Variants in MED1 observed in about 807,000 individuals in gnomAD.
MED1 encodes the protein mediator complex subunit 1.
MED1 carries 17 observed loss-of-function variants against 121.3 expected under a neutral mutation model. That is an observed-to-expected ratio of 0.14 (90% CI 0.10 to 0.21). The LOEUF (loss-of-function observed/expected upper bound fraction) is 0.21, where lower values mean the gene tolerates loss of function less well. MED1 is among the 10% of genes least tolerant of loss of function. MED1 has a pLI of 1.00. For synonymous variants in MED1, 661 were observed against 694.4 expected (o/e 0.95, Z 0.76); for missense variants, 1,558 against 1,919.4 (o/e 0.81, Z 3.52).
chr17:39,444,686 T>C (rs192559705), intron 2 of MED1, among the ~76,000 whole-genome samples: 4 of 151,556 alleles, frequency 2.6e-5, no homozygotes, highest in African/African-American at 4.8e-5. Flanking sequence ...CTGGCCAACA[T>C]AGTGAAACCC....
At position 39,408,424 on chromosome 17, in the gene MED1, C is replaced by G; in HGVS notation, c.3797G>C (p.Cys1266Ser). 1 of 1,614,112 alleles carries G rather than the reference C, an allele frequency of 6.2e-7. No individual in the cohort carries two copies. The highest frequency in any genetic ancestry group is 8.5e-7 in the Non-Finnish European group (1 of 1,180,020). Reference sequence around the variant, plus strand: ...GGAAAAGGAGGAGGAAGATGCCGTACAGGAATTAGATGATGGGGGAGTTTT... The same window carrying G: ...GGAAAAGGAGGAGGAAGATGCCGTAGAGGAATTAGATGATGGGGGAGTTTT... ...SQKTPPSSNS[C>S]TASSSSFSSS... is the part of the protein sequence containing the mutation. Residue 1266 changes from cysteine (C) to serine (S), a missense_variant, in exon 17 of 17, where the codon TGT becomes TCT. Coordinates refer to ENST00000300651, the MANE Select transcript of MED1 (RefSeq NM_004774.4). The surrounding 1 kb of genome is among the most constrained non-coding windows in gnomAD (Gnocchi z 4.7).
intron 8 of MED1, 67 bp from the exon 9 acceptor site, chr17:39,431,255 T>C (rs955563041): frequency 1.2e-4 from 153 of 1,300,594 alleles, no homozygotes; most frequent in East Asian, 6.8e-4. Context: ...CACTGTGATA[T>C]TGAGTTCACC....
chr17:39,419,796 A>G lies in MED1; in HGVS notation c.1218T>C (p.Leu406=). The G allele has an allele frequency of 6.2e-7, 1 of 1,614,058 alleles. No homozygotes were observed. Reference sequence around the variant, plus strand: ...CTTGGTGTCTGATCAGATTTAGGATAAGAGGAACTCGGCCAGGGTGCTGAA... The same window carrying G: ...CTTGGTGTCTGATCAGATTTAGGATGAGAGGAACTCGGCCAGGGTGCTGAA... ...ITFQHPGRVP[L]ILNLIRHQVA... The change falls in exon 14 of 17, where the codon CTT becomes CTC. Residue 406 remains leucine (L), a synonymous_variant. Coordinates refer to ENST00000300651, the MANE Select transcript of MED1 (RefSeq NM_004774.4).
At position 39,440,089 on chromosome 17, in the gene MED1, C is replaced by CAAGA. The variant is rs755865177; in HGVS notation, c.399+293_399+296dup. Among the ~76,000 whole-genome samples, 13 of 129,292 alleles carry CAAGA rather than the reference C, an allele frequency of 1.0e-4. No homozygotes were observed. Among genetic ancestry groups the CAAGA allele is most frequent in the Non-Finnish European group, 1.2e-4 (7 of 60,106 alleles). 84.8% of individuals were successfully genotyped at this position (129,292 alleles called of 152,430 possible). A position where few individuals can be genotyped will look rare whatever the true frequency, so the allele number is the denominator to read the frequency against. On this transcript the variant is annotated intron_variant, in intron 5 of 16. Transcript: ENST00000300651. The surrounding 1 kb of genome is among the most constrained non-coding windows in gnomAD (Gnocchi z 4.1). Reference sequence around the variant, plus strand: ...AAGAAAAAGAAAGCAAGCAAGCAAGCAAGAAAGAAAGAAAGAAAAAAGAAA... The same window carrying CAAGA: ...AAGAAAAAGAAAGCAAGCAAGCAAGCAAGAAAGAAAGAAAGAAAGAAAAAAGAAA...
Position 39,440,616 on chromosome 17 carries a change from T to TA in MED1, c.266+6dup. On this transcript the variant is annotated splice_region_variant and intron_variant, in intron 4 of 16. Transcript: ENST00000300651. The surrounding 1 kb of genome is among the most constrained non-coding windows in gnomAD (Gnocchi z 4.1). ...TAAACATTTCTGCCTACAGAAAGAC[T>TA]ACTTACCCATTCTGTCTTGCTATGG... 6.2e-7 allele frequency: 1 copy of TA among 1,613,106 alleles called. No homozygotes were observed. Among genetic ancestry groups the TA allele is most frequent in the East Asian group, 2.2e-5 (1 of 44,870 alleles).
rs575270769 is a variant in MED1, at chr17:39,430,991, C to A, written c.649+124G>T. On this transcript the variant is annotated intron_variant, in intron 9 of 16. Transcript: ENST00000300651. ...CCGAGATCATGCCACTGCACTCCAG[C>A]CTGGGCAACAAAGTGAGACTCTGTC... The A allele has an allele frequency of 3.7e-5, 32 of 862,276 alleles. No individual in the cohort carries two copies. The South Asian group carries it at 4.7e-4, about 13-fold the overall frequency. The allele number at this position is 862,276 out of a possible 1,614,324, so 53.4% of individuals were successfully genotyped here.
Position 39,406,195 on chromosome 17 carries a change from A to G in MED1, c.*1280T>C. On this transcript the variant is annotated 3_prime_UTR_variant, in exon 17 of 17. Transcript: ENST00000300651. ...TCCAATTGGGTTGCTACATAGTAGC[A>G]AGGGTTTATCTTCATGCTCACCTAG... 1 of 985,568 alleles carries G rather than the reference A, an allele frequency of 1.0e-6. No homozygotes were observed. The highest frequency in any genetic ancestry group is 1.2e-6 in the Non-Finnish European group (1 of 829,924). 61.1% of individuals were successfully genotyped at this position (985,568 alleles called of 1,614,324 possible).
intron 6 of MED1, among the ~76,000 whole-genome samples, chr17:39,438,415 C>T (rs1216467169): frequency 6.9e-6 from 1 of 145,444 alleles, no homozygotes; most frequent in Admixed American, 7.3e-5. Context: ...GAGATCTCAG[C>T]TTACTGCAAG....
Position 39,409,642 on chromosome 17 carries a change from T to C in MED1, c.2579A>G (p.His860Arg), listed in dbSNP as rs1171712736. Residue 860 changes from histidine (H) to arginine (R), a missense_variant, in exon 17 of 17, where the codon CAT (histidine) becomes CGT (arginine). This residue lies in a region of MED1 where 793 missense variants were observed against 898.2 expected (regional missense o/e 0.88). Transcript: ENST00000300651. Reference protein sequence around the residue: ...SSDSPTNHFFHDGVDFNPDLL... With the variant: ...SSDSPTNHFFRDGVDFNPDLL... ...ATCAGGATTGAAATCTACTCCATCA[T>C]GAAAAAAATGATTGGTAGGAGAGTC... The C allele has an allele frequency of 3.7e-6, 6 of 1,614,110 alleles. No homozygotes were observed. Among genetic ancestry groups the C allele is most frequent in the Non-Finnish European group, 3.4e-6 (4 of 1,180,000 alleles).
intron 13 of MED1, among the ~76,000 whole-genome samples, chr17:39,422,469 GTTTTTTTTTTT>G (rs750032186): frequency 1.3e-5 from 1 of 74,340 alleles, no homozygotes; most frequent in African/African-American, 6.3e-5. Flanking sequence ...GCCCAGCCTC[GTTTTTTTTTTT>G]TTTTTTTTTT....
chr17:39,432,626 C>T (rs1454506349), intron 7 of MED1, among the ~76,000 whole-genome samples: 4 of 151,350 alleles, frequency 2.6e-5, no homozygotes, highest in African/African-American at 7.3e-5. Context: ...TGGCAGCATG[C>T]GCCTGTAGTC....
Position 39,427,764 on chromosome 17 carries a change from C to T in MED1, c.676G>A (p.Val226Ile). The change falls in exon 10 of 17, where the codon GTC (valine) becomes ATC (isoleucine). Residue 226 changes from valine (V) to isoleucine (I), a missense_variant. By Grantham distance (29) the Val-to-Ile change is conservative (BLOSUM62 3). Transcript: ENST00000300651. The stretch of plus-strand genomic sequence containing the variant: ...TCATCCAGTAGGTCAGAAGGAGAGA[C>T]ATAGTACTTCAGGTTCATTAAATGA... ...GGHLMNLKYY[V>I]SPSDLLDDKT... The T allele has an allele frequency of 6.2e-7, 1 of 1,601,372 alleles. No homozygotes were observed. The highest frequency in any genetic ancestry group is 2.2e-5 in the East Asian group (1 of 44,758).
Position 39,407,783 on chromosome 17 carries a change from G to A in MED1, c.4438C>T (p.Pro1480Ser). Reference protein sequence around the residue: ...SIAEKSYQNSPSSDDGIRPLP... With the variant: ...SIAEKSYQNSSSSDDGIRPLP... ...GGTCGGATACCATCGTCTGAGCTGG[G>A]ACTATTCTGATAAGATTTCTCTGCT... Residue 1480 changes from proline to serine, a missense_variant, in exon 17 of 17, where the codon CCC becomes TCC. Transcript: ENST00000300651. 6.2e-7 allele frequency: 1 copy of A among 1,614,128 alleles called. No homozygotes were observed. Among genetic ancestry groups the A allele is most frequent in the Non-Finnish European group, 8.5e-7 (1 of 1,180,034 alleles).
At chr17:39,428,561 G>A (rs1405209041) in intron 9 of MED1, among the ~76,000 whole-genome samples, 2 of 152,156 alleles carry the variant, frequency 1.3e-5, no homozygotes, top group Non-Finnish European at 2.9e-5. Flanking sequence ...GTTAAGGTGG[G>A]AGGTCAAGGA....
At chr17:39,424,869 A>T (rs1309035992) in intron 10 of MED1, 131 bp from the exon 11 acceptor site, 4 of 606,770 alleles carry the variant, frequency 6.6e-6, no homozygotes, top group Non-Finnish European at 1.2e-5. Flanking sequence ...TCCCTTATTT[A>T]TTTATTTATG....
At position 39,408,196 on chromosome 17, in the gene MED1, G is replaced by C; in HGVS notation, c.4025C>G (p.Ser1342Cys). The change falls in exon 17 of 17, where the codon TCC becomes TGC. Residue 1342 changes from serine (S) to cysteine (C), a missense_variant. Ser to Cys is a moderately radical substitution (Grantham distance 112, BLOSUM62 -1). Around this residue, in one of 5 missense-constraint regions of MED1, gnomAD observed 264 missense variants for 326.1 expected, o/e 0.81. Coordinates refer to ENST00000300651, the MANE Select transcript of MED1 (RefSeq NM_004774.4). The surrounding 1 kb of genome is among the most constrained non-coding windows in gnomAD (Gnocchi z 4.7). ...STNSSSHPMS[S>C]KHNMSGGEFQ... ...CTCTCCTCCTGACATGTTATGTTTGGAGGACATAGGATGGCTGGAAGAATT... is the reference window on the plus strand; with the variant it reads ...CTCTCCTCCTGACATGTTATGTTTGCAGGACATAGGATGGCTGGAAGAATT... 6.2e-7 allele frequency: 1 copy of C among 1,613,992 alleles called. No individual in the cohort carries two copies. The highest frequency in any genetic ancestry group is 8.5e-7 in the Non-Finnish European group (1 of 1,180,034).
At chr17:39,430,368 C>T (rs2048554073) in intron 9 of MED1, among the ~76,000 whole-genome samples, 1 of 151,122 alleles carries the variant, frequency 6.6e-6, no homozygotes, top group Non-Finnish European at 1.5e-5. Context: ...CTGGTGAGAG[C>T]CTGTCTCAAG....
intron 7 of MED1, among the ~76,000 whole-genome samples, chr17:39,432,707 T>A (rs977452779): frequency 1.3e-5 from 2 of 148,920 alleles, no homozygotes. Context: ...TGAACCGAGA[T>A]CATGCCATTG....
In MED1 at chr17:39,413,912, TAAA is replaced by T. The variant is rs66489961; in HGVS notation, c.1499+1111_1499+1113del. 4.8e-3 allele frequency among the ~76,000 whole-genome samples: 334 copies of T among 69,850 alleles called. 1 individual carries two copies. In the Middle Eastern group the frequency reaches 0.096, roughly 20 times the overall value. 45.8% of individuals were successfully genotyped at this position (69,850 alleles called of 152,430 possible). ...CCCATTACTCTCATAGTAATATCAT[TAAA>T]AAAAAAAAAAAAAAAAAAAAAACAA... On this transcript the variant is annotated intron_variant, in intron 16 of 16. Transcript: ENST00000300651.
Sources: gnomAD v4.1 joint callset for allele counts (sites outside exome capture counted in the v4.1 genomes callset) on GRCh38, gnomAD v4.1.1 for gene constraint, gnomAD v4.1.1 regional missense constraint, Gnocchi (gnomAD v3.1) non-coding constraint, MANE v1.5 for transcripts, NCBI Gene and HGNC (gene_info 2026-07-23, HGNC 2026-07-21) for gene names.